DDAH1: variants seen among roughly 807,000 people sequenced by gnomAD.
DDAH1 encodes dimethylarginine dimethylaminohydrolase 1.
Under a neutral mutation model 28.8 loss-of-function variants are expected in DDAH1, and 19 were observed. That is an observed-to-expected ratio of 0.66 (90% confidence interval 0.46 to 0.97). The LOEUF is 0.97. Among genes scored for constraint, DDAH1 ranks in the 50% least tolerant of loss-of-function variants. DDAH1 has a pLI of 0.00. For synonymous variants in DDAH1, 153 were observed against 154.4 expected (o/e 0.99, Z 0.07); for missense variants, 326 against 375.9 (o/e 0.87, Z 1.10).
Position 85,464,381 on chromosome 1 carries a change from C to G in DDAH1, c.303+362G>C, listed in dbSNP as rs1049868085. 3.2e-6 allele frequency: 3 copies of G among 936,662 alleles called. No homozygotes were observed. The African/African-American group carries it at 5.0e-5, about 16-fold the overall frequency. The allele number at this position is 936,662 out of a possible 1,614,324, so 58.0% of individuals were successfully genotyped here. On this transcript the variant is annotated intron_variant, in intron 1 of 5. Coordinates refer to ENST00000284031, the MANE Select transcript of DDAH1 (RefSeq NM_012137.4). The surrounding 1 kb of genome is among the most constrained non-coding windows in gnomAD (Gnocchi z 4.4). ...CCAGCCTCCACCCGCCCTACCGGAGCGGCACCCCTCGCGGCCCTCGCTCCC... is the reference window on the plus strand; with the variant it reads ...CCAGCCTCCACCCGCCCTACCGGAGGGGCACCCCTCGCGGCCCTCGCTCCC...
At chr1:85,391,998 T>A (rs12022248) in intron 1 of DDAH1, among the ~76,000 whole-genome samples, 29,690 of 152,170 alleles carry the variant, frequency 0.2, 3,429 homozygotes, top group South Asian at 0.32. Flanking sequence ...TTATTTTTTT[T>A]AATTTTTTTT....
chr1:85,494,544 G>C (rs1412103682), intron 2 of DDAH1: 1 of 152,210 alleles, frequency 6.6e-6, no homozygotes, highest in Non-Finnish European at 1.5e-5. Context: ...TGCCTCAGCA[G>C]CTGTCACATC....
At chr1:85,402,086 A>G (rs1407462987) in intron 1 of DDAH1, among the ~76,000 whole-genome samples, 1 of 152,034 alleles carries the variant, frequency 6.6e-6, no homozygotes, top group Non-Finnish European at 1.5e-5. Flanking sequence ...CTTGGGCTCA[A>G]GCAATCCTCC....
intron 2 of DDAH1, among the ~76,000 whole-genome samples, chr1:85,476,810 CAAT>C (rs1557673869): frequency 6.6e-6 from 1 of 152,068 alleles, no homozygotes; most frequent in African/African-American, 2.4e-5. Flanking sequence ...GATAGTATTT[CAAT>C]AATATTTTCA....
At chr1:85,446,901 T>C (rs600098) in intron 1 of DDAH1, among the ~76,000 whole-genome samples, 126,068 of 152,082 alleles carry the variant, frequency 0.83, 52,398 homozygotes, top group Middle Eastern at 0.91. Flanking sequence ...TTTTACATTA[T>C]ACTTAAATTT....
At chr1:85,420,555 C>T (rs1653093881) in intron 1 of DDAH1, among the ~76,000 whole-genome samples, 2 of 152,166 alleles carry the variant, frequency 1.3e-5, no homozygotes, top group African/African-American at 4.8e-5. Context: ...CACAATGCAG[C>T]CAAGGTCTTT....
At chr1:85,494,535 G>A (rs1280902904) in intron 2 of DDAH1, 1 of 152,198 alleles carries the variant, frequency 6.6e-6, no homozygotes, top group Non-Finnish European at 1.5e-5. Flanking sequence ...GCAAAGGGCT[G>A]CCTCAGCAGC....
intron 2 of DDAH1, chr1:85,495,842 C>G (rs1159150899): frequency 1.3e-5 from 2 of 152,206 alleles, no homozygotes; most frequent in Admixed American, 6.5e-5. Context: ...AAACCAGGAG[C>G]CTCAGCGACG....
intron 2 of DDAH1, chr1:85,488,206 T>C (rs1296330141): frequency 1.3e-5 from 2 of 151,930 alleles, no homozygotes; most frequent in African/African-American, 4.8e-5. Context: ...ATAATAAATA[T>C]TGGAGATTGT....
chr1:85,536,395 A>G (rs1221885828), intron 1 of DDAH1, among the ~76,000 whole-genome samples: 11 of 150,694 alleles, frequency 7.3e-5, no homozygotes, highest in African/African-American at 2.0e-4. Context: ...TCTACTAAAT[A>G]TACAAAAATT....
chr1:85,494,385 C>G (rs897280549), intron 2 of DDAH1: 3 of 152,162 alleles, frequency 2.0e-5, no homozygotes, highest in African/African-American at 7.2e-5. Flanking sequence ...AAAGCAAAAA[C>G]ATGTTTTTCC....
chr1:85,387,249 G>A (rs770785846), intron 1 of DDAH1, among the ~76,000 whole-genome samples: 11 of 152,148 alleles, frequency 7.2e-5, no homozygotes, highest in Non-Finnish European at 1.3e-4. Context: ...TAGGCAGGCT[G>A]AGAACTTTCC....
chr1:85,464,823 C>CT lies in DDAH1; in HGVS notation c.222_223insA (p.Val75SerfsTer29). 1 of 1,588,738 alleles carries CT rather than the reference C, an allele frequency of 6.3e-7. No individual in the cohort carries two copies. Among genetic ancestry groups the CT allele is most frequent in the East Asian group, 2.3e-5 (1 of 42,734 alleles). Reference sequence around the variant, plus strand: ...ACCACGGCCACGTCCTCCACGAAGACGCAGTCCGGAAGGCTCTCGTCGGCC... The same window carrying CT: ...ACCACGGCCACGTCCTCCACGAAGACTGCAGTCCGGAAGGCTCTCGTCGGCC... On this transcript the variant is annotated frameshift_variant, in exon 1 of 6. Transcript: ENST00000284031. LOFTEE classifies it high-confidence loss of function. This position sits in a 1 kb window ranked among gnomAD's most constrained non-coding sequence, Gnocchi z 4.4.
chr1:85,475,720 C>A (rs10493765), intron 2 of DDAH1, among the ~76,000 whole-genome samples: 31,890 of 152,116 alleles, frequency 0.21, 4,308 homozygotes, highest in Non-Finnish European at 0.31. Context: ...CTGCATCATG[C>A]AAAAATGGTT....
chr1:85,363,963 T>C (rs1240021853), intron 1 of DDAH1, among the ~76,000 whole-genome samples: 6 of 150,912 alleles, frequency 4.0e-5, no homozygotes, highest in Non-Finnish European at 1.5e-5. Context: ...GCCACAGCCC[T>C]TGCTTGCCTC....
In DDAH1 at chr1:85,464,239, G is replaced by A. The variant is rs1428599435; in HGVS notation, c.303+504C>T. On this transcript the variant is annotated intron_variant, in intron 1 of 5. Coordinates refer to ENST00000284031, the MANE Select transcript of DDAH1 (RefSeq NM_012137.4). This position sits in a 1 kb window ranked among gnomAD's most constrained non-coding sequence, Gnocchi z 4.4. ...CCACCACTGAAAACTAACTTGAGAA[G>A]CCCCAGGTCTGTGGGCACCGACACC... Among the ~76,000 whole-genome samples, 2 of 152,056 alleles carry A rather than the reference G, an allele frequency of 1.3e-5. No homozygotes were observed. The highest frequency in any genetic ancestry group is 2.9e-5 in the Non-Finnish European group (2 of 67,994).
chr1:85,372,489 G>C (rs1004307253), intron 1 of DDAH1, among the ~76,000 whole-genome samples: 2 of 151,990 alleles, frequency 1.3e-5, no homozygotes, highest in Non-Finnish European at 2.9e-5. Flanking sequence ...TTCTACCAAG[G>C]AAAACTAATT....
At chr1:85,404,635 T>C (rs1325470083) in intron 1 of DDAH1, 1 of 767,172 alleles carries the variant, frequency 1.3e-6, no homozygotes, top group Non-Finnish European at 1.8e-6. Flanking sequence ...TCAATGATAC[T>C]GTAGACTCAA....
intron 1 of DDAH1, among the ~76,000 whole-genome samples, chr1:85,433,743 C>T (rs1249703172): frequency 6.6e-6 from 1 of 152,124 alleles, no homozygotes; most frequent in Non-Finnish European, 1.5e-5. Flanking sequence ...AGCCATGCAA[C>T]ATAATCTAGT....
Sources: gnomAD v4.1 joint callset for allele counts (sites outside exome capture counted in the v4.1 genomes callset) on GRCh38, gnomAD v4.1.1 for gene constraint, Gnocchi (gnomAD v3.1) non-coding constraint, MANE v1.5 for transcripts, NCBI Gene and HGNC (gene_info 2026-07-23, HGNC 2026-07-21) for gene names.